Variants in ZNF516 observed in about 807,000 individuals in gnomAD.
ZNF516 encodes the protein zinc finger protein 516.
ZNF516 carries 19 observed loss-of-function variants against 79.7 expected under a neutral mutation model. The observed-to-expected ratio is 0.24, with a 90% CI of 0.17 to 0.35. The LOEUF is 0.35. ZNF516 is among the 10% of genes least tolerant of loss of function. The pLI, the probability that ZNF516 is intolerant of heterozygous loss-of-function variation, is 1.00. For missense variants in ZNF516, 1,678 were observed against 1,679.5 expected (o/e 1.00, Z 0.02); for synonymous variants, 877 against 739.5 (o/e 1.19, Z -3.02).
rs1329966781 is a variant in ZNF516 at position 76,379,791 on chromosome 18, G to A, written c.2323C>T (p.Leu775=). ...TGCCAGATGCGTTTGTGCATCCACA[G>A]GACCTCGGGGTAGTAGGTCTTGTGG... is the stretch of plus-strand genomic sequence containing the variant. ...CSHKTYYPEV[L]WMHKRIWHRV... The change falls in exon 4 of 7, where the codon CTG becomes TTG. Residue 775 remains leucine, a synonymous_variant. Transcript: ENST00000443185. The A allele has an allele frequency of 1.2e-6, 2 of 1,613,852 alleles. No homozygotes were observed. The highest frequency in any genetic ancestry group is 1.7e-6 in the Non-Finnish European group (2 of 1,179,842).
chr18:76,383,200 C>T (rs1460812591), intron 3 of ZNF516, among the ~76,000 whole-genome samples: 5 of 152,274 alleles, frequency 3.3e-5, no homozygotes, highest in Admixed American at 1.3e-4. Context: ...GGAGGGGCAG[C>T]GGGCAGGAAA....
At chr18:76,406,796 C>A (rs2075309913) in intron 3 of ZNF516, among the ~76,000 whole-genome samples, 1 of 152,208 alleles carries the variant, frequency 6.6e-6, no homozygotes, top group East Asian at 1.9e-4. Context: ...GAAGTCCCCA[C>A]AGAATCCACT....
rs115344162 is a variant in ZNF516, at chr18:76,441,819, C to T, written c.1236G>A (p.Pro412=). The change falls in exon 3 of 7, where the codon CCG becomes CCA. Residue 412 remains proline (P), a synonymous_variant. Transcript: ENST00000443185. The part of the protein sequence containing the change: ...QAGRRVAELD[P]VNSYQAWQLA... ...GCTGCCAGGCCTGGTAGCTGTTGAC[C>T]GGGTCCAGCTCAGCCACCCGCCGTC... 3,612 of 1,564,218 alleles carry T rather than the reference C, an allele frequency of 2.3e-3. 83 individuals are homozygous for T. In the African/African-American group the frequency reaches 0.042, roughly 18 times the overall value.
At position 76,443,057 on chromosome 18, in the gene ZNF516, G is replaced by C; in HGVS notation, c.-3C>G. ...TCGGCCTCTCTGTTGCGATCCATCC[G>C]AAGGACGGGCGCGGCCGGTGGTGGC... On this transcript the variant is annotated 5_prime_UTR_variant, in exon 3 of 7. Coordinates refer to ENST00000443185, the MANE Select transcript of ZNF516 (RefSeq NM_014643.4). 6.3e-7 allele frequency: 1 copy of C among 1,582,686 alleles called. No individual in the cohort carries two copies. Among genetic ancestry groups the C allele is most frequent in the Non-Finnish European group, 8.5e-7 (1 of 1,170,756 alleles).
intron 2 of ZNF516, among the ~76,000 whole-genome samples, chr18:76,446,589 T>C (rs370321695): frequency 6.6e-6 from 1 of 152,238 alleles, no homozygotes; most frequent in African/African-American, 2.4e-5. Flanking sequence ...AGCTAGAGCC[T>C]GAACCCTGGC....
chr18:76,385,776 GC>G (rs147872052), intron 3 of ZNF516: 11,795 of 146,804 alleles, frequency 0.08, 537 homozygotes, highest in African/African-American at 0.13. Flanking sequence ...CCACTGCACT[GC>G]CCCCCCCCCG....
In ZNF516 at chr18:76,360,646, A is replaced by AAAATATATATATATAT. The variant is rs373540251; in HGVS notation, c.*1851_*1852insATATATATATATATTT. On this transcript the variant is annotated 3_prime_UTR_variant, in exon 7 of 7. Transcript: ENST00000443185. The stretch of plus-strand genomic sequence containing the variant: ...AAAAAAATAAGTAAAAAAAAAAAAA[A>AAAATATATATATATAT]ATATATATATATATATATATATATA... The AAAATATATATATATAT allele has an allele frequency of 5.5e-5, 4 of 72,490 alleles. No homozygotes were observed. Among genetic ancestry groups the AAAATATATATATATAT allele is most frequent in the Non-Finnish European group, 1.1e-4 (4 of 36,932 alleles). 4.5% of individuals were successfully genotyped at this position (72,490 alleles called of 1,614,324 possible). A position where few individuals can be genotyped will look rare whatever the true frequency, so the allele number is the denominator to read the frequency against.
intron 1 of ZNF516, among the ~76,000 whole-genome samples, chr18:76,470,931 A>T (rs1913796550): frequency 6.6e-6 from 1 of 152,194 alleles, no homozygotes; most frequent in Non-Finnish European, 1.5e-5. Flanking sequence ...AAAAAGAAAA[A>T]AGAAAAACAG....
At chr18:76,492,697 T>G in intron 1 of ZNF516, 6 of 983,882 alleles carry the variant, frequency 6.1e-6, no homozygotes, top group Non-Finnish European at 7.2e-6. Flanking sequence ...AACCGCACGT[T>G]TCGAGTCCCC....
intron 3 of ZNF516, among the ~76,000 whole-genome samples, chr18:76,406,071 G>C (rs2075301004): frequency 6.6e-6 from 1 of 152,294 alleles, no homozygotes; most frequent in Non-Finnish European, 1.5e-5. Flanking sequence ...GCGCACGCAG[G>C]TGAGGGGCCT....
intron 1 of ZNF516, among the ~76,000 whole-genome samples, chr18:76,489,036 G>A (rs766347993): frequency 7.2e-5 from 11 of 152,214 alleles, no homozygotes; most frequent in Non-Finnish European, 1.5e-4. Flanking sequence ...GCTGCAGAAC[G>A]CAGTGAGCTT....
At position 76,379,106 on chromosome 18, in the gene ZNF516, G is replaced by A. The variant is rs1437580331; in HGVS notation, c.3008C>T (p.Pro1003Leu). The change falls in exon 4 of 7, where the codon CCC becomes CTC. Residue 1003 changes from proline to leucine, a missense_variant. By Grantham distance (98) the Pro-to-Leu change is moderately conservative. Around this residue, in one of 5 missense-constraint regions of ZNF516, gnomAD observed 1,294 missense variants for 1,248.3 expected, o/e 1.04. Coordinates refer to ENST00000443185, the MANE Select transcript of ZNF516 (RefSeq NM_014643.4). Reference protein sequence around the residue: ...GAPPLPPREPPSKAAQELRTL... With the variant: ...GAPPLPPREPLSKAAQELRTL... Reference sequence around the variant, plus strand: ...CCTCAGCTCCTGGGCTGCCTTCGAGGGGGGCTCGCGGGGAGGTAGAGGAGG... The same window carrying A: ...CCTCAGCTCCTGGGCTGCCTTCGAGAGGGGCTCGCGGGGAGGTAGAGGAGG... 3.2e-5 allele frequency: 52 copies of A among 1,611,580 alleles called. No individual in the cohort carries two copies. Among genetic ancestry groups the A allele is most frequent in the Non-Finnish European group, 3.9e-5 (46 of 1,179,676 alleles).
rs187096661 is a variant in ZNF516, at chr18:76,462,136, G to A, written c.-158+892C>T. Among the ~76,000 whole-genome samples the A allele has an allele frequency of 4.3e-3, 648 of 152,176 alleles. 6 individuals are homozygous for A. Among genetic ancestry groups the A allele is most frequent in the African/African-American group, 0.014 (586 of 41,516 alleles). On this transcript the variant is annotated intron_variant, in intron 2 of 6. Coordinates refer to ENST00000443185, the MANE Select transcript of ZNF516 (RefSeq NM_014643.4). ...CCACAGAAGCGTGTTTCCAGCCTCC[G>A]CCGATGAGCGCTGGTGACCATGCCC... is the stretch of plus-strand genomic sequence containing the variant.
chr18:76,431,366 T>C (rs2145454019), intron 3 of ZNF516, among the ~76,000 whole-genome samples: 1 of 152,280 alleles, frequency 6.6e-6, no homozygotes, highest in African/African-American at 2.4e-5. Flanking sequence ...AAATGCAGAC[T>C]AAGAATGATG....
chr18:76,359,448 T>G lies in ZNF516; in HGVS notation c.*3050A>C, dbSNP rs1170802578. 1.3e-5 allele frequency: 2 copies of G among 152,176 alleles called. No homozygotes were observed. The highest frequency in any genetic ancestry group is 4.8e-5 in the African/African-American group (2 of 41,430). The allele number at this position is 152,176 out of a possible 1,614,324, so 9.4% of individuals were successfully genotyped here. A position where few individuals can be genotyped will look rare whatever the true frequency, so the allele number is the denominator to read the frequency against. On this transcript the variant is annotated 3_prime_UTR_variant, in exon 7 of 7. Coordinates refer to ENST00000443185, the MANE Select transcript of ZNF516 (RefSeq NM_014643.4). The stretch of plus-strand genomic sequence containing the variant: ...CTCAATATCTGACTTTTGAGAGAAT[T>G]TAAATATTCATTCTTCAAATTAAGG...
upstream of ZNF516, chr18:76,496,348 C>A: frequency 7.8e-7 from 1 of 1,289,688 alleles, no homozygotes; most frequent in Non-Finnish European, 1.0e-6. Context: ...GTCCAAGACG[C>A]CCAACGTGGC....
intron 4 of ZNF516, among the ~76,000 whole-genome samples, chr18:76,371,851 G>A (rs61387171): frequency 1.5e-3 from 222 of 152,328 alleles, no homozygotes; most frequent in African/African-American, 5.2e-3. Flanking sequence ...GTCGGGCTGT[G>A]CAGCTCCGAG....
At position 76,404,067 on chromosome 18, in the gene ZNF516, G is replaced by A. The variant is rs137898323; in HGVS notation, c.1811-23764C>T. Among the ~76,000 whole-genome samples the A allele has an allele frequency of 1.0e-2, 1,519 of 152,300 alleles. 29 individuals carry two copies. Among genetic ancestry groups the A allele is most frequent in the African/African-American group, 0.034 (1,404 of 41,548 alleles). On this transcript the variant is annotated intron_variant, in intron 3 of 6. Transcript: ENST00000443185. ...CACTGGGCAGGGCTGGGGCAGAACTGGCCTCCCCACTCCACTCTGTGGCTC... is the reference window on the plus strand; with the variant it reads ...CACTGGGCAGGGCTGGGGCAGAACTAGCCTCCCCACTCCACTCTGTGGCTC...
At chr18:76,381,766 G>A (rs2074896357) in intron 3 of ZNF516, among the ~76,000 whole-genome samples, 1 of 152,270 alleles carries the variant, frequency 6.6e-6, no homozygotes, top group South Asian at 2.1e-4. Flanking sequence ...CTGATCAGCA[G>A]AACTGGTGCG....
Sources: gnomAD v4.1 joint callset for allele counts (sites outside exome capture counted in the v4.1 genomes callset) on GRCh38, gnomAD v4.1.1 for gene constraint, gnomAD v4.1.1 regional missense constraint, MANE v1.5 for transcripts, NCBI Gene and HGNC (gene_info 2026-07-23, HGNC 2026-07-21) for gene names.